DGLUCY: variants seen among roughly 807,000 people sequenced by gnomAD.
The protein encoded by DGLUCY is D-glutamate cyclase, also known as D-glutamate cyclase, mitochondrial.
A neutral mutation model predicts 58.5 loss-of-function variants in DGLUCY; 58 were observed. That is an observed-to-expected ratio of 0.99 (90% confidence interval 0.80 to 1.23). DGLUCY has a LOEUF of 1.23. Ranked by LOEUF, DGLUCY falls within the 50% of genes most tolerant of loss-of-function variation. The pLI is 0.00. For missense variants in DGLUCY, 779 were observed against 784.7 expected, an observed-to-expected ratio of 0.99 and a Z score of 0.09; for synonymous variants, 325 against 314.1, an observed-to-expected ratio of 1.03 and a Z score of -0.37.
At chr14:91,207,229 T>C (rs2140657437) in intron 12 of DGLUCY, among the ~76,000 whole-genome samples, 1 of 148,286 alleles carries the variant, frequency 6.7e-6, no homozygotes, top group African/African-American at 2.5e-5. Flanking sequence ...AGAATGCCTT[T>C]GATGGGCTTA....
upstream of DGLUCY, among the ~76,000 whole-genome samples, chr14:91,105,530 A>C (rs1017465173): frequency 1.3e-5 from 2 of 152,174 alleles, no homozygotes. Context: ...TCTGCTCCAG[A>C]GAGCTTGCCT....
intron 1 of DGLUCY, among the ~76,000 whole-genome samples, chr14:91,135,671 A>AAAAAAC (rs2046288797): frequency 6.6e-6 from 1 of 150,930 alleles, no homozygotes; most frequent in Admixed American, 6.6e-5. Context: ...AAAAAAAAAA[A>AAAAAAC]AAACAAGTAT....
At chr14:91,155,617 C>T (rs1463608381) in intron 1 of DGLUCY, among the ~76,000 whole-genome samples, 3 of 151,798 alleles carry the variant, frequency 2.0e-5, no homozygotes, top group African/African-American at 4.8e-5. Flanking sequence ...TAAGACCAGC[C>T]CCGTCTCTAC....
chr14:91,123,662 C>G (rs2045518011), intron 1 of DGLUCY, among the ~76,000 whole-genome samples: 1 of 152,136 alleles, frequency 6.6e-6, no homozygotes, highest in African/African-American at 2.4e-5. Flanking sequence ...TCATGGCTCA[C>G]TGCAACCTCA....
intron 7 of DGLUCY, among the ~76,000 whole-genome samples, chr14:91,176,977 TTCTTG>T (rs934463035): frequency 2.0e-5 from 3 of 150,994 alleles, no homozygotes; most frequent in Non-Finnish European, 2.9e-5. Context: ...TCTCCCTTCC[TTCTTG>T]TCTTGTCTTT....
At chr14:91,137,484 C>CA (rs1462217765) in intron 1 of DGLUCY, among the ~76,000 whole-genome samples, 1 of 151,600 alleles carries the variant, frequency 6.6e-6, no homozygotes, top group Non-Finnish European at 1.5e-5. Flanking sequence ...CTTCCAGGTT[C>CA]AAGCGATTAC....
rs1314409342 is a variant in DGLUCY, at chr14:91,196,482, T to A, written c.1295+8T>A. The A allele has an allele frequency of 2.5e-6, 4 of 1,611,674 alleles. No homozygotes were observed. Among genetic ancestry groups the A allele is most frequent in the Non-Finnish European group, 3.4e-6 (4 of 1,178,082 alleles). On this transcript the variant is annotated splice_region_variant and intron_variant, in intron 10 of 13. Coordinates refer to ENST00000256324, the MANE Select transcript of DGLUCY (RefSeq NM_001102368.3). The stretch of plus-strand genomic sequence containing the variant: ...GGACCCGCAGACACCTAGGTACGTA[T>A]GTCGCATCCCAGTTTAAGTGGCGGA...
intron 8 of DGLUCY, among the ~76,000 whole-genome samples, chr14:91,187,990 C>T (rs1160551527): frequency 6.6e-6 from 1 of 152,158 alleles, no homozygotes; most frequent in Non-Finnish European, 1.5e-5. Context: ...CATTTCCCTT[C>T]CCTCTTATGT....
At chr14:91,201,247 C>T (rs1026784085) in intron 11 of DGLUCY, among the ~76,000 whole-genome samples, 12 of 151,770 alleles carry the variant, frequency 7.9e-5, no homozygotes, top group South Asian at 2.1e-4. Flanking sequence ...TAGATGTATA[C>T]GTGCAGGTCA....
upstream of DGLUCY, among the ~76,000 whole-genome samples, chr14:91,112,050 C>A (rs1277965092): frequency 6.6e-6 from 1 of 151,622 alleles, no homozygotes; most frequent in East Asian, 1.9e-4. Context: ...CCAGCCTGAC[C>A]AGCGTGGAGC....
At chr14:91,216,172 G>A (rs905325637) in intron 13 of DGLUCY, 18 of 171,146 alleles carry the variant, frequency 1.1e-4, no homozygotes, top group Admixed American at 3.3e-4. Flanking sequence ...CTCTTGAGGT[G>A]GAGAGCAGGA....
intron 1 of DGLUCY, among the ~76,000 whole-genome samples, chr14:91,076,045 G>A (rs2044014471): frequency 6.6e-6 from 1 of 151,948 alleles, no homozygotes; most frequent in African/African-American, 2.4e-5. Context: ...CCTGGGAGGT[G>A]GAGGCTGCAG....
chr14:91,179,541 C>T (rs149664807), intron 7 of DGLUCY, among the ~76,000 whole-genome samples: 1,775 of 152,242 alleles, frequency 0.012, 43 homozygotes, highest in African/African-American at 0.041. Flanking sequence ...CACCTGAGGT[C>T]AGGAGTTCGA....
At chr14:91,177,610 A>G (rs2048933464) in intron 7 of DGLUCY, among the ~76,000 whole-genome samples, 1 of 152,260 alleles carries the variant, frequency 6.6e-6, no homozygotes, top group African/African-American at 2.4e-5. Flanking sequence ...CAGCTATTGC[A>G]GACCATGGTC....
rs189880993 is a variant in DGLUCY, at chr14:91,192,590, C to T, written c.1195+3420C>T. Among the ~76,000 whole-genome samples, 13 of 152,152 alleles carry T rather than the reference C, an allele frequency of 8.5e-5. No homozygotes were observed. In the East Asian group the frequency reaches 1.5e-3, roughly 18 times the overall value. On this transcript the variant is annotated intron_variant, in intron 9 of 13. Coordinates refer to ENST00000256324, the MANE Select transcript of DGLUCY (RefSeq NM_001102368.3). ...TTCAAGACCAGCCTGTCCAAAACCC[C>T]GTTTCCACCAGGACCTGTGTGTCTC...
intron 5 of DGLUCY, among the ~76,000 whole-genome samples, chr14:91,171,302 G>A (rs2048563172): frequency 6.6e-6 from 1 of 152,222 alleles, no homozygotes; most frequent in Non-Finnish European, 1.5e-5. Flanking sequence ...ATGATGCTTT[G>A]CAGTCACAGG....
rs548436982 is a variant in DGLUCY, at chr14:91,170,311, C to G, written c.456+110C>G. 86 of 1,213,296 alleles carry G rather than the reference C, an allele frequency of 7.1e-5. 1 individual carries two copies. In the African/African-American group the frequency reaches 1.2e-3, roughly 17 times the overall value. The allele number at this position is 1,213,296 out of a possible 1,614,324, so 75.2% of individuals were successfully genotyped here. A position where few individuals can be genotyped will look rare whatever the true frequency, so the allele number is the denominator to read the frequency against. On this transcript the variant is annotated intron_variant, in intron 5 of 13. Transcript: ENST00000256324. Reference sequence around the variant, plus strand: ...GGGCACGGGAGGTGGAAAACCTAAGCTCCAGCCCCAGCTCAGCCATTTCTA... The same window carrying G: ...GGGCACGGGAGGTGGAAAACCTAAGGTCCAGCCCCAGCTCAGCCATTTCTA...
At chr14:91,118,021 A>T (rs1271295676) in intron 1 of DGLUCY, among the ~76,000 whole-genome samples, 2 of 148,926 alleles carry the variant, frequency 1.3e-5, no homozygotes, top group East Asian at 4.1e-4. Flanking sequence ...CTTGTTATGT[A>T]GATGAAGCTT....
chr14:91,178,187 G>A (rs1021272473), intron 7 of DGLUCY, among the ~76,000 whole-genome samples: 1 of 149,938 alleles, frequency 6.7e-6, no homozygotes, highest in Non-Finnish European at 1.5e-5. Context: ...TTTTTTTTGA[G>A]ACAAGGTCTC....
Sources: gnomAD v4.1 joint callset for allele counts (sites outside exome capture counted in the v4.1 genomes callset) on GRCh38, gnomAD v4.1.1 for gene constraint, MANE v1.5 for transcripts, NCBI Gene and HGNC (gene_info 2026-07-23, HGNC 2026-07-21) for gene names.